WDSUB1: variants seen among roughly 807,000 people sequenced by gnomAD.
WDSUB1 encodes the protein WD repeat, sterile alpha motif and U-box domain containing 1, also known as WD repeat, SAM and U-box domain-containing protein 1.
A neutral mutation model predicts 53.9 loss-of-function variants in WDSUB1; 49 were observed. The observed-to-expected ratio is 0.91, with a 90% CI of 0.72 to 1.15. WDSUB1 has a LOEUF of 1.15. Ranked by LOEUF, WDSUB1 falls within the 50% of genes most tolerant of loss-of-function variation. The pLI, the probability that WDSUB1 is intolerant of heterozygous loss-of-function variation, is 0.00. For synonymous variants in WDSUB1, 194 were observed against 200.6 expected (o/e 0.97, Z 0.28); for missense variants, 514 against 562.0 (o/e 0.91, Z 0.86).
chr2:159,271,940 A>G (rs1318728237), intron 4 of WDSUB1, 145 bp from the exon 5 acceptor site: 6 of 653,790 alleles, frequency 9.2e-6, no homozygotes, highest in East Asian at 2.8e-5. Flanking sequence ...TGCAGCTCAG[A>G]TATCTATAAG....
intron 6 of WDSUB1, among the ~76,000 whole-genome samples, chr2:159,258,701 G>A (rs972228362): frequency 1.3e-5 from 2 of 152,094 alleles, no homozygotes; most frequent in African/African-American, 4.8e-5. Flanking sequence ...GTACACTAAG[G>A]TGTCCATCTA....
At chr2:159,245,255 C>A (rs1193535385) in intron 10 of WDSUB1, among the ~76,000 whole-genome samples, 1 of 152,006 alleles carries the variant, frequency 6.6e-6, no homozygotes, top group Non-Finnish European at 1.5e-5. Context: ...AGCCGGACAC[C>A]GTGGCTCATG....
At chr2:159,247,502 ACCAGGTACAATTAGATAT>A (rs1345280798) in intron 10 of WDSUB1, among the ~76,000 whole-genome samples, 19 of 152,240 alleles carry the variant, frequency 1.2e-4, no homozygotes, top group African/African-American at 4.3e-4. Context: ...AAACTGGAAA[ACCAGGTACAATTAGATAT>A]ATTACTGGCA....
chr2:159,242,758 G>A (rs921019667), intron 10 of WDSUB1, among the ~76,000 whole-genome samples: 6 of 148,098 alleles, frequency 4.1e-5, no homozygotes, highest in African/African-American at 1.3e-4. Flanking sequence ...ATTGCTACAT[G>A]AGAATACAGA....
intron 10 of WDSUB1, among the ~76,000 whole-genome samples, chr2:159,239,096 GGCTCAA>G (rs1241889264): frequency 6.6e-6 from 1 of 152,108 alleles, no homozygotes; most frequent in Admixed American, 6.6e-5. Flanking sequence ...CGACCTCCCA[GGCTCAA>G]GCAATCCTCT....
chr2:159,235,976 C>T lies in WDSUB1; in HGVS notation c.*57G>A. 1 of 1,479,404 alleles carries T rather than the reference C, an allele frequency of 6.8e-7. No individual in the cohort carries two copies. Among genetic ancestry groups the T allele is most frequent in the Non-Finnish European group, 9.0e-7 (1 of 1,105,220 alleles). The allele number at this position is 1,479,404 out of a possible 1,614,324, so 91.6% of individuals were successfully genotyped here. On this transcript the variant is annotated 3_prime_UTR_variant, in exon 11 of 11. Coordinates refer to ENST00000359774, the MANE Select transcript of WDSUB1 (RefSeq NM_001128212.3). The stretch of plus-strand genomic sequence containing the variant: ...TTTAATAATGTCTGATTAGTATTTA[C>T]CTATAAATCATTCAAATGAGATCAC...
intron 10 of WDSUB1, among the ~76,000 whole-genome samples, chr2:159,242,027 T>A (rs1170664704): frequency 1.4e-5 from 2 of 147,006 alleles, no homozygotes; most frequent in Non-Finnish European, 2.9e-5. Context: ...CACTGTTTGA[T>A]ACACTGTTGA....
chr2:159,272,006 CAAATT>C, intron 4 of WDSUB1, among the ~76,000 whole-genome samples: 1 of 152,182 alleles, frequency 6.6e-6, no homozygotes, highest in African/African-American at 2.4e-5. Context: ...AGAATAAAGT[CAAATT>C]TTTAAAGAAT....
intron 10 of WDSUB1, among the ~76,000 whole-genome samples, chr2:159,237,214 C>T (rs2060505626): frequency 6.6e-6 from 1 of 152,150 alleles, no homozygotes; most frequent in Admixed American, 6.5e-5. Flanking sequence ...ACAACACTTA[C>T]TTGGTTTCAA....
chr2:159,247,651 G>A lies in WDSUB1; in HGVS notation c.1273+721C>T, dbSNP rs188388998. Among the ~76,000 whole-genome samples the A allele has an allele frequency of 1.6e-4, 24 of 151,240 alleles. No homozygotes were observed. The East Asian group carries it at 4.5e-3, about 28-fold the overall frequency. On this transcript the variant is annotated intron_variant, in intron 10 of 10. Transcript: ENST00000359774. ...TTCTGCTTTGCAACATATAACCCAC[G>A]TAAATAACCCTAAGAAATGGTAAAA... is the stretch of plus-strand genomic sequence containing the variant.
At chr2:159,276,223 G>C (rs996653756) in intron 3 of WDSUB1, among the ~76,000 whole-genome samples, 3 of 152,036 alleles carry the variant, frequency 2.0e-5, no homozygotes, top group African/African-American at 7.2e-5. Flanking sequence ...CACCACACCC[G>C]GCTAATTTCT....
At chr2:159,261,875 T>G (rs1159246567) in intron 5 of WDSUB1, among the ~76,000 whole-genome samples, 2 of 15,536 alleles carry the variant, frequency 1.3e-4, no homozygotes, top group African/African-American at 6.0e-4. Flanking sequence ...TATATATATA[T>G]ATATATATAT....
intron 4 of WDSUB1, 32 bp from the exon 5 acceptor site, chr2:159,271,827 G>T: frequency 6.5e-7 from 1 of 1,547,114 alleles, no homozygotes; most frequent in Non-Finnish European, 8.9e-7. Context: ...AGATTAGAAA[G>T]CTGACCATGC....
chr2:159,264,854 T>C (rs964905811), intron 5 of WDSUB1, among the ~76,000 whole-genome samples: 1 of 151,992 alleles, frequency 6.6e-6, no homozygotes. Flanking sequence ...GAGGCTGAGG[T>C]AGGCGGATCA....
chr2:159,253,566 C>T (rs2060997301), intron 9 of WDSUB1, among the ~76,000 whole-genome samples: 1 of 125,400 alleles, frequency 8.0e-6, no homozygotes, highest in Admixed American at 7.5e-5. Flanking sequence ...TCAAACCCTC[C>T]AATGTACTTT....
intron 9 of WDSUB1, among the ~76,000 whole-genome samples, chr2:159,253,455 T>C (rs1347129422): frequency 1.3e-5 from 2 of 152,248 alleles, no homozygotes; most frequent in Non-Finnish European, 2.9e-5. Context: ...ATTTCATTTA[T>C]TGTGTATTTA....
At chr2:159,257,138 GCCACAAGTGCACA>G (rs1272414684) in intron 8 of WDSUB1, among the ~76,000 whole-genome samples, 2 of 151,908 alleles carry the variant, frequency 1.3e-5, no homozygotes, top group African/African-American at 2.4e-5. Flanking sequence ...AGTAGCTGGG[GCCACAAGTGCACA>G]CCCCCATGTG....
chr2:159,237,434 T>C (rs1453776669), intron 10 of WDSUB1, among the ~76,000 whole-genome samples: 1 of 151,616 alleles, frequency 6.6e-6, no homozygotes, highest in African/African-American at 2.4e-5. Context: ...GGCAGGAGAA[T>C]CACTTGAGCC....
intron 3 of WDSUB1, among the ~76,000 whole-genome samples, chr2:159,277,989 C>T (rs1162313486): frequency 1.3e-5 from 2 of 152,256 alleles, no homozygotes; most frequent in East Asian, 3.9e-4. Flanking sequence ...CCTTTCCTGA[C>T]CCCATAAGCT....
Sources: allele counts gnomAD v4.1 joint callset (sites outside exome capture counted in the v4.1 genomes callset), GRCh38; gene constraint gnomAD v4.1.1; transcripts MANE v1.5; gene names NCBI Gene and HGNC (gene_info 2026-07-23, HGNC 2026-07-21).